The following MACROD2 variants were observed in gnomAD, a reference collection of about 807,000 sequenced individuals.
MACROD2 encodes ADP-ribose glycohydrolase MACROD2.
MACROD2 carries 36 observed loss-of-function variants against 70.4 expected under a neutral mutation model. That is an observed-to-expected ratio of 0.51 (90% CI 0.39 to 0.68). The LOEUF (loss-of-function observed/expected upper bound fraction) is 0.68. Among genes scored for constraint, MACROD2 ranks in the 30% least tolerant of loss-of-function variants. The pLI is 0.00. For synonymous variants in MACROD2, 172 were observed against 178.8 expected (o/e 0.96, Z 0.30); for missense variants, 496 against 538.4 (o/e 0.92, Z 0.78).
intron 12 of MACROD2, among the ~76,000 whole-genome samples, chr20:15,961,606 G>A (rs1601223326): frequency 6.6e-6 from 1 of 152,262 alleles, no homozygotes; most frequent in East Asian, 1.9e-4. Context: ...CCAGGCTGTC[G>A]GTTCAGAGCT....
At chr20:15,746,584 A>G (rs562883699) in intron 8 of MACROD2, among the ~76,000 whole-genome samples, 14 of 149,818 alleles carry the variant, frequency 9.3e-5, no homozygotes, top group African/African-American at 3.4e-4. Context: ...AAAAAAAAAG[A>G]AACGGTGAAA....
intron 6 of MACROD2, among the ~76,000 whole-genome samples, chr20:15,393,199 G>A (rs2045815570): frequency 6.6e-6 from 1 of 152,102 alleles, no homozygotes; most frequent in Non-Finnish European, 1.5e-5. Context: ...TAACAACACA[G>A]CATCTTGGGT....
chr20:15,489,551 C>T (rs973151593), intron 7 of MACROD2, among the ~76,000 whole-genome samples: 11 of 152,186 alleles, frequency 7.2e-5, no homozygotes, highest in African/African-American at 2.7e-4. Flanking sequence ...GCAATGAAGA[C>T]ATTAAATGGT....
At chr20:14,166,076 G>A (rs552612032) in intron 3 of MACROD2, among the ~76,000 whole-genome samples, 1 of 152,226 alleles carries the variant, frequency 6.6e-6, no homozygotes, top group Admixed American at 6.5e-5. Context: ...AATAAATAAT[G>A]TATCAATAGT....
chr20:15,260,299 T>C lies in MACROD2; in HGVS notation c.540+30238T>C, dbSNP rs562125148. ...TATCCCCCCTCCCCACTTCCTTTCATAGCTTCTGGTAACCATCATTTTACT... is the reference window on the plus strand; with the variant it reads ...TATCCCCCCTCCCCACTTCCTTTCACAGCTTCTGGTAACCATCATTTTACT... On this transcript the variant is annotated intron_variant, in intron 6 of 17. Coordinates refer to ENST00000684519, the MANE Select transcript of MACROD2 (RefSeq NM_001351661.2). 4.6e-5 allele frequency among the ~76,000 whole-genome samples: 7 copies of C among 151,694 alleles called. No homozygotes were observed. The East Asian group carries it at 1.4e-3, about 29-fold the overall frequency.
chr20:15,272,927 G>A (rs1040461906), intron 6 of MACROD2, among the ~76,000 whole-genome samples: 2 of 152,116 alleles, frequency 1.3e-5, no homozygotes, highest in African/African-American at 2.4e-5. Context: ...GACTTGTCCT[G>A]GTGCTTTTGG....
intron 5 of MACROD2, among the ~76,000 whole-genome samples, chr20:15,184,540 T>G (rs2076522012): frequency 6.6e-6 from 1 of 152,144 alleles, no homozygotes; most frequent in African/African-American, 2.4e-5. Flanking sequence ...TTAGGGTCCT[T>G]CAAACATGTG....
At chr20:15,512,443 C>T (rs749201636) in intron 8 of MACROD2, among the ~76,000 whole-genome samples, 1 of 152,136 alleles carries the variant, frequency 6.6e-6, no homozygotes, top group Non-Finnish European at 1.5e-5. Context: ...TACTAAAAAT[C>T]ATTAGCATAC....
At chr20:15,972,498 C>G (rs768449489) in intron 13 of MACROD2, among the ~76,000 whole-genome samples, 8 of 151,996 alleles carry the variant, frequency 5.3e-5, no homozygotes, top group Non-Finnish European at 1.2e-4. Context: ...TGACAAGTTA[C>G]ATATAGAAGA....
intron 4 of MACROD2, among the ~76,000 whole-genome samples, chr20:14,655,999 C>G (rs190753207): frequency 6.6e-6 from 1 of 152,290 alleles, no homozygotes; most frequent in East Asian, 1.9e-4. Flanking sequence ...GGGTCCCCTG[C>G]CGCCTTCTAT....
At chr20:14,773,956 A>G (rs1006110728) in intron 5 of MACROD2, among the ~76,000 whole-genome samples, 11 of 152,138 alleles carry the variant, frequency 7.2e-5, no homozygotes, top group African/African-American at 2.4e-4. Context: ...CTGATAGGAA[A>G]GCATATTTAG....
chr20:15,974,642 A>G (rs1276760897), intron 13 of MACROD2, among the ~76,000 whole-genome samples: 1 of 152,166 alleles, frequency 6.6e-6, no homozygotes, highest in Non-Finnish European at 1.5e-5. Context: ...TACAGTTCCA[A>G]GAGTGAACCT....
At chr20:14,455,324 T>C (rs6131584) in intron 3 of MACROD2, among the ~76,000 whole-genome samples, 41,543 of 151,704 alleles carry the variant, frequency 0.27, 6,048 homozygotes, top group Admixed American at 0.32. Context: ...TTTAAGAGCA[T>C]GGTTCAATTC....
chr20:14,957,342 G>A lies in MACROD2; in HGVS notation c.418+272383G>A, dbSNP rs146435558. Among the ~76,000 whole-genome samples, 7 of 152,226 alleles carry A rather than the reference G, an allele frequency of 4.6e-5. 1 individual carries two copies. The highest frequency in any genetic ancestry group is 1.7e-4 in the African/African-American group (7 of 41,534). On this transcript the variant is annotated intron_variant, in intron 5 of 17. Transcript: ENST00000684519. ...TTTATGTATATGTAATACTGAAAAG[G>A]AGACGAAAAGAAAACACGTTTCACA...
intron 8 of MACROD2, among the ~76,000 whole-genome samples, chr20:15,502,800 A>G (rs965469925): frequency 9.2e-5 from 14 of 152,242 alleles, no homozygotes; most frequent in African/African-American, 2.4e-4. Flanking sequence ...TTGGTATCAC[A>G]AACAGCAAAG....
chr20:16,026,161 CAAA>C (rs113390661), intron 15 of MACROD2, among the ~76,000 whole-genome samples: 1 of 87,366 alleles, frequency 1.1e-5, no homozygotes. Context: ...CTCAAAAAAA[CAAA>C]ACAACAAACA....
In MACROD2 at chr20:15,008,331, A is replaced by G. The variant is rs533613748; in HGVS notation, c.419-221609A>G. ...CTCTGTCTTATAGATGCTGTCTCCA[A>G]ATAAGGTCACATTCTGAGCTACTGA... On this transcript the variant is annotated intron_variant, in intron 5 of 17. Transcript: ENST00000684519. 3.9e-5 allele frequency among the ~76,000 whole-genome samples: 6 copies of G among 152,268 alleles called. No homozygotes were observed. In the South Asian group the frequency reaches 1.2e-3, roughly 32 times the overall value.
chr20:15,718,044 G>A (rs1033065101), intron 8 of MACROD2, among the ~76,000 whole-genome samples: 1 of 147,466 alleles, frequency 6.8e-6, no homozygotes, highest in Non-Finnish European at 1.5e-5. Context: ...GTTTTGAGAC[G>A]GAGTTTCACT....
chr20:15,600,318 T>C lies in MACROD2; in HGVS notation c.645+100471T>C, dbSNP rs545600503. ...TGGCAGCCTGTCTTTACTTCCTTAT[T>C]AATTCATTCATTTTTGCTGTTGTTT... On this transcript the variant is annotated intron_variant, in intron 8 of 17. Coordinates refer to ENST00000684519, the MANE Select transcript of MACROD2 (RefSeq NM_001351661.2). 1.6e-4 allele frequency among the ~76,000 whole-genome samples: 25 copies of C among 152,294 alleles called. No homozygotes were observed. The South Asian group carries it at 4.8e-3, about 29-fold the overall frequency.
Sources: allele counts gnomAD v4.1 joint callset (sites outside exome capture counted in the v4.1 genomes callset), GRCh38; gene constraint gnomAD v4.1.1; transcripts MANE v1.5; gene names NCBI Gene and HGNC (gene_info 2026-07-23, HGNC 2026-07-21).